Variants in SUCLG1 observed in about 807,000 individuals in gnomAD.
SUCLG1 encodes succinate-CoA ligase GDP/ADP-forming subunit alpha.
SUCLG1 carries 26 observed loss-of-function variants against 37.3 expected under a neutral mutation model. The ratio of observed to expected loss-of-function variants is 0.70; its 90% CI spans 0.51 to 0.97. The LOEUF (loss-of-function observed/expected upper bound fraction) is 0.97, where lower values mean the gene tolerates loss of function less well. SUCLG1 is among the 50% of genes least tolerant of loss of function. SUCLG1 has a pLI of 0.00. For synonymous variants in SUCLG1, 163 were observed against 155.6 expected (o/e 1.05, Z -0.36); for missense variants, 433 against 432.9 (o/e 1.00, Z 0.00).
intron 5 of SUCLG1, among the ~76,000 whole-genome samples, chr2:84,434,273 C>G (rs909243454): frequency 5.9e-5 from 9 of 152,192 alleles, no homozygotes; most frequent in Admixed American, 2.6e-4. Flanking sequence ...TTTTAAAATA[C>G]TACCTATCTT....
chr2:84,425,790 T>G (rs1672528803), intron 7 of SUCLG1, 187 bp from the exon 8 acceptor site: 1 of 653,026 alleles, frequency 1.5e-6, no homozygotes, highest in South Asian at 1.9e-5. Flanking sequence ...GAGTTAACTT[T>G]CCATACAAAC....
At chr2:84,433,808 C>G (rs1672644971) in intron 5 of SUCLG1, 1 of 290,424 alleles carries the variant, frequency 3.4e-6, no homozygotes, top group African/African-American at 2.2e-5. Flanking sequence ...TAGACTTATA[C>G]TACCTTATGT....
chr2:84,448,591 G>T (rs1442933399), intron 2 of SUCLG1, among the ~76,000 whole-genome samples: 3 of 150,390 alleles, frequency 2.0e-5, no homozygotes, highest in Non-Finnish European at 4.4e-5. Context: ...TAAAAAAAGG[G>T]ATACTTTGGG....
At chr2:84,447,410 T>C (rs959262253) in intron 2 of SUCLG1, among the ~76,000 whole-genome samples, 1 of 152,210 alleles carries the variant, frequency 6.6e-6, no homozygotes, top group African/African-American at 2.4e-5. Flanking sequence ...TATCACCTTA[T>C]TTAGAATATA....
At chr2:84,441,858 T>C (rs534609453) in intron 3 of SUCLG1, among the ~76,000 whole-genome samples, 17 of 152,176 alleles carry the variant, frequency 1.1e-4, no homozygotes, top group African/African-American at 3.6e-4. Flanking sequence ...AAAACTAGTA[T>C]GGAATCAAAA....
At chr2:84,438,686 T>C (rs186110228) in intron 5 of SUCLG1, among the ~76,000 whole-genome samples, 277 of 152,300 alleles carry the variant, frequency 1.8e-3, no homozygotes, top group Non-Finnish European at 2.2e-3. Context: ...CTTGTAGTGT[T>C]GAAAGTGAAG....
At chr2:84,431,685 G>C (rs1445467189) in intron 6 of SUCLG1, 26 bp from the exon 7 acceptor site, 1 of 1,613,054 alleles carries the variant, frequency 6.2e-7, no homozygotes, top group South Asian at 1.1e-5. Context: ...AATATCAATA[G>C]CTGGAAATTT....
intron 5 of SUCLG1, 121 bp from the exon 6 acceptor site, chr2:84,433,556 G>T (rs1672641643): frequency 8.5e-6 from 7 of 827,972 alleles, no homozygotes; most frequent in Non-Finnish European, 1.4e-5. Flanking sequence ...TCCATGATTT[G>T]CCATCAAAAT....
At chr2:84,448,358 G>C (rs1031193713) in intron 2 of SUCLG1, among the ~76,000 whole-genome samples, 1 of 151,758 alleles carries the variant, frequency 6.6e-6, no homozygotes, top group African/African-American at 2.4e-5. Flanking sequence ...AAATACTTTT[G>C]AGTAGTTGTA....
chr2:84,432,135 G>T (rs1224420151), intron 6 of SUCLG1, among the ~76,000 whole-genome samples: 1 of 152,190 alleles, frequency 6.6e-6, no homozygotes, highest in Non-Finnish European at 1.5e-5. Flanking sequence ...TAAGACACAA[G>T]TGCCAGTGAG....
intron 1 of SUCLG1, among the ~76,000 whole-genome samples, chr2:84,452,576 TGTGGG>T (rs1672956633): frequency 6.6e-6 from 1 of 152,256 alleles, no homozygotes; most frequent in African/African-American, 2.4e-5. Context: ...AACGCTTTCA[TGTGGG>T]TATACAATAA....
intron 8 of SUCLG1, 47 bp from the exon 9 acceptor site, chr2:84,423,819 T>C (rs775524013): frequency 3.2e-6 from 5 of 1,568,712 alleles, no homozygotes; most frequent in African/African-American, 1.3e-5. Flanking sequence ...TGAATAAAGA[T>C]AAAAGATCCA....
intron 3 of SUCLG1, among the ~76,000 whole-genome samples, chr2:84,441,744 T>C (rs1378543085): frequency 6.6e-6 from 1 of 151,946 alleles, no homozygotes; most frequent in African/African-American, 2.4e-5. Flanking sequence ...GTGAACAGAG[T>C]CAAAGAATGC....
intron 1 of SUCLG1, among the ~76,000 whole-genome samples, chr2:84,455,501 A>AC (rs1673005676): frequency 6.6e-6 from 1 of 151,442 alleles, no homozygotes; most frequent in African/African-American, 2.4e-5. Flanking sequence ...TCTCAAAAAA[A>AC]ACATATATAT....
chr2:84,441,186 C>T (rs1478229788), intron 4 of SUCLG1, 61 bp downstream of exon 4: 1 of 1,612,666 alleles, frequency 6.2e-7, no homozygotes, highest in Non-Finnish European at 8.5e-7. Flanking sequence ...CGCATTCACT[C>T]AAAGCTGTTT....
At chr2:84,444,374 C>A (rs1250800948) in intron 2 of SUCLG1, among the ~76,000 whole-genome samples, 1 of 152,130 alleles carries the variant, frequency 6.6e-6, no homozygotes, top group Non-Finnish European at 1.5e-5. Flanking sequence ...TCGGCAGGTT[C>A]CATGATGCCC....
chr2:84,450,426 A>C lies in SUCLG1; in HGVS notation c.98-674T>G, dbSNP rs961617830. Among the ~76,000 whole-genome samples, 6 of 152,056 alleles carry C rather than the reference A, an allele frequency of 3.9e-5. No individual in the cohort carries two copies. The East Asian group carries it at 5.8e-4, about 15-fold the overall frequency. ...AAGCTTGTTAGGAAAAAAAAAAAAA[A>C]AAAACCCTAGGTTATTGCAGCAACC... On this transcript the variant is annotated intron_variant, in intron 1 of 8. Coordinates refer to ENST00000393868, the MANE Select transcript of SUCLG1 (RefSeq NM_003849.4).
At chr2:84,428,559 A>G (rs967996460) in intron 7 of SUCLG1, among the ~76,000 whole-genome samples, 2 of 152,230 alleles carry the variant, frequency 1.3e-5, no homozygotes, top group Non-Finnish European at 2.9e-5. Context: ...TGTTCCCCAA[A>G]AAGTGGGAAT....
At chr2:84,456,068 A>T (rs1466163932) in intron 1 of SUCLG1, among the ~76,000 whole-genome samples, 1 of 152,204 alleles carries the variant, frequency 6.6e-6, no homozygotes, top group African/African-American at 2.4e-5. Flanking sequence ...CAATGGCAAC[A>T]GATGCTAATA....
Sources: gnomAD v4.1 joint callset for allele counts (sites outside exome capture counted in the v4.1 genomes callset) on GRCh38, gnomAD v4.1.1 for gene constraint, MANE v1.5 for transcripts, NCBI Gene and HGNC (gene_info 2026-07-23, HGNC 2026-07-21) for gene names.